PATJ: variants seen among roughly 807,000 people sequenced by gnomAD.
The protein encoded by PATJ is inaD-like protein.
PATJ carries 190 observed loss-of-function variants against 224.9 expected under a neutral mutation model. The observed-to-expected ratio is 0.84, with a 90% CI of 0.75 to 0.95. The LOEUF is 0.95. Among genes scored for constraint, PATJ ranks in the 40% least tolerant of loss-of-function variants. The pLI is 0.00. For missense variants in PATJ, 2,121 were observed against 2,270.3 expected, an observed-to-expected ratio of 0.93 and a Z score of 1.34; for synonymous variants, 769 against 820.3, an observed-to-expected ratio of 0.94 and a Z score of 1.07.
intron 30 of PATJ, among the ~76,000 whole-genome samples, chr1:62,043,677 A>G (rs1350124594): frequency 2.6e-5 from 4 of 151,972 alleles, no homozygotes; most frequent in South Asian, 2.1e-4. Context: ...TAAAAATTGT[A>G]TATATTTATC....
chr1:62,154,093 GCCATGTTGC>G (rs538179979), intron 43 of PATJ, among the ~76,000 whole-genome samples: 2 of 151,984 alleles, frequency 1.3e-5, no homozygotes, highest in African/African-American at 4.8e-5. Context: ...ACGGGGTTTC[GCCATGTTGC>G]CCAGGCTGGT....
At chr1:61,761,724 TC>T (rs1645983367) in intron 1 of PATJ, among the ~76,000 whole-genome samples, 1 of 151,324 alleles carries the variant, frequency 6.6e-6, no homozygotes, top group African/African-American at 2.4e-5. Context: ...CTCACTCTGT[TC>T]CCCAGGCTGG....
intron 27 of PATJ, among the ~76,000 whole-genome samples, chr1:61,936,279 A>G (rs1170916246): frequency 1.3e-5 from 2 of 151,252 alleles, no homozygotes; most frequent in Non-Finnish European, 2.9e-5. Flanking sequence ...ATGTGTTCCC[A>G]TGGAGTGGAG....
chr1:61,755,165 C>T (rs996907921), intron 1 of PATJ, among the ~76,000 whole-genome samples: 12 of 151,700 alleles, frequency 7.9e-5, no homozygotes, highest in East Asian at 2.0e-4. Flanking sequence ...AAAAATTAGC[C>T]GGGCGTAGTG....
At chr1:61,905,274 G>T (rs1671706777) in intron 24 of PATJ, among the ~76,000 whole-genome samples, 1 of 152,246 alleles carries the variant, frequency 6.6e-6, no homozygotes, top group South Asian at 2.1e-4. Flanking sequence ...TAGTGGAAGG[G>T]ATGAGCTAGC....
At chr1:62,115,041 C>T (rs1210800290) in intron 35 of PATJ, 5 of 152,268 alleles carry the variant, frequency 3.3e-5, no homozygotes, top group African/African-American at 1.2e-4. Context: ...GATGCAGTGG[C>T]TCATGCCTGT....
intron 40 of PATJ, chr1:62,128,452 C>CCTT: frequency 3.7e-6 from 1 of 271,216 alleles, no homozygotes; most frequent in Non-Finnish European, 7.0e-6. Flanking sequence ...GATTTCTCCC[C>CCTT]CTTGTTGCCC....
At chr1:62,062,389 C>CTTTTT (rs1655633684) in intron 31 of PATJ, among the ~76,000 whole-genome samples, 1 of 13,354 alleles carries the variant, frequency 7.5e-5, no homozygotes, top group African/African-American at 3.1e-4. Flanking sequence ...TCTATGTTGT[C>CTTTTT]TTCTTTTTTT....
intron 27 of PATJ, among the ~76,000 whole-genome samples, chr1:61,930,686 G>A (rs151019002): frequency 1.3e-5 from 2 of 152,186 alleles, no homozygotes; most frequent in Non-Finnish European, 2.9e-5. Flanking sequence ...TACCACAAGT[G>A]TGTGCCACCA....
At chr1:61,775,573 C>T (rs939639293) in intron 7 of PATJ, among the ~76,000 whole-genome samples, 2 of 152,134 alleles carry the variant, frequency 1.3e-5, no homozygotes, top group African/African-American at 4.8e-5. Context: ...TTCATGATTA[C>T]ATCAGAGGAC....
intron 1 of PATJ, among the ~76,000 whole-genome samples, chr1:61,743,837 T>A (rs1570174874): frequency 6.6e-6 from 1 of 152,168 alleles, no homozygotes; most frequent in Non-Finnish European, 1.5e-5. Context: ...GAAATGAGCG[T>A]TATAGCCCGA....
Position 62,109,043 on chromosome 1 carries a change from T to C in PATJ, c.4461+523T>C, listed in dbSNP as rs116621471. Reference sequence around the variant, plus strand: ...GATGCTTACTAAAAATTGAAATGCTTAACTTTTTCAAATTGACTCTCATTT... The same window carrying C: ...GATGCTTACTAAAAATTGAAATGCTCAACTTTTTCAAATTGACTCTCATTT... On this transcript the variant is annotated intron_variant, in intron 34 of 43. Transcript: ENST00000642238. 2.4e-3 allele frequency among the ~76,000 whole-genome samples: 359 copies of C among 152,324 alleles called. 5 individuals are homozygous for C. The highest frequency in any genetic ancestry group is 8.2e-3 in the African/African-American group (340 of 41,572).
intron 27 of PATJ, among the ~76,000 whole-genome samples, chr1:61,972,537 C>T (rs555828847): frequency 6.6e-6 from 1 of 152,002 alleles, no homozygotes; most frequent in African/African-American, 2.4e-5. Context: ...AGCCTGTTTC[C>T]TCATTTGTAA....
chr1:62,064,647 G>T lies in PATJ; in HGVS notation c.4125+13589G>T, dbSNP rs563339000. ...GGGCCTTCATAAGTGTTTTTAAAGT[G>T]CTGGTATCCAAGTATGAAAAAACAG... On this transcript the variant is annotated intron_variant, in intron 31 of 43. Coordinates refer to ENST00000642238, the MANE Select transcript of PATJ (RefSeq NM_001350145.3). 9.9e-5 allele frequency among the ~76,000 whole-genome samples: 15 copies of T among 152,216 alleles called. 1 individual carries two copies. The highest frequency in any genetic ancestry group is 3.6e-4 in the African/African-American group (15 of 41,546).
At chr1:61,871,403 G>GTATATATATATACATATATATGTACA (rs74186729) in intron 20 of PATJ, among the ~76,000 whole-genome samples, 2 of 43,984 alleles carry the variant, frequency 4.5e-5, no homozygotes, top group African/African-American at 1.6e-4. Context: ...ATATATATGT[G>GTATATATATATACATATATATGTACA]TATATATATA....
At chr1:62,076,372 C>T (rs1315283057) in intron 31 of PATJ, among the ~76,000 whole-genome samples, 1 of 152,098 alleles carries the variant, frequency 6.6e-6, no homozygotes, top group East Asian at 1.9e-4. Context: ...TTGAAAACCA[C>T]AGGTTTAGTT....
intron 33 of PATJ, 72 bp downstream of exon 33, chr1:62,084,720 A>G (rs994135219): frequency 6.7e-7 from 1 of 1,481,560 alleles, no homozygotes; most frequent in Admixed American, 1.8e-5. Context: ...GCCCTGCGCC[A>G]CAACTCTGCA....
chr1:61,933,981 G>T (rs1044363873), intron 27 of PATJ, among the ~76,000 whole-genome samples: 1 of 152,060 alleles, frequency 6.6e-6, no homozygotes, highest in Non-Finnish European at 1.5e-5. Flanking sequence ...TGTCGCCCAG[G>T]CTGGAGTGCA....
At chr1:61,977,584 A>G (rs1054675771) in intron 27 of PATJ, among the ~76,000 whole-genome samples, 4 of 152,064 alleles carry the variant, frequency 2.6e-5, no homozygotes, top group African/African-American at 9.7e-5. Context: ...CGCGTCCTAG[A>G]GTCCCCCCAG....
Sources: gnomAD v4.1 joint callset for allele counts (sites outside exome capture counted in the v4.1 genomes callset) on GRCh38, gnomAD v4.1.1 for gene constraint, MANE v1.5 for transcripts, NCBI Gene and HGNC (gene_info 2026-07-23, HGNC 2026-07-21) for gene names.